FBLN7: variants seen among roughly 807,000 people sequenced by gnomAD.
FBLN7 encodes the protein fibulin-7.
In FBLN7, 31 loss-of-function variants were observed where a neutral mutation model predicts 44.0. The observed-to-expected ratio is 0.70, with a 90% CI of 0.53 to 0.95. The LOEUF (loss-of-function observed/expected upper bound fraction) is 0.95, where lower values mean the gene tolerates loss of function less well. Among genes scored for constraint, FBLN7 ranks in the 40% least tolerant of loss-of-function variants. The pLI is 0.00. For missense variants in FBLN7, 573 were observed against 618.5 expected, an observed-to-expected ratio of 0.93 and a Z score of 0.78; for synonymous variants, 262 against 253.4, an observed-to-expected ratio of 1.03 and a Z score of -0.32.
chr2:112,198,308 C>T, the FBLN7 span, among the ~76,000 whole-genome samples: 4 of 152,042 alleles, frequency 2.6e-5, no homozygotes, highest in African/African-American at 9.7e-5. Flanking sequence ...TTTATAAAAG[C>T]GGAGCTCACA....
At chr2:112,159,916 C>G (rs1681643096) in intron 2 of FBLN7, 81 bp downstream of exon 2, 2 of 1,254,784 alleles carry the variant, frequency 1.6e-6, no homozygotes, top group East Asian at 6.3e-5. Context: ...CTGGAGGCCC[C>G]TCGTCACCCC....
the FBLN7 span, among the ~76,000 whole-genome samples, chr2:112,233,027 T>C: frequency 1.4e-4 from 22 of 152,212 alleles, no homozygotes; most frequent in Non-Finnish European, 2.8e-4. Flanking sequence ...TCATGGACCC[T>C]CTATACCACC....
chr2:112,153,887 G>A (rs1470079241), intron 1 of FBLN7, among the ~76,000 whole-genome samples: 2 of 152,206 alleles, frequency 1.3e-5, no homozygotes, highest in Non-Finnish European at 2.9e-5. Flanking sequence ...CCCGGAGAAG[G>A]GCAGGGGTGG....
At chr2:112,153,148 G>A (rs537189766) in intron 1 of FBLN7, 17 of 152,144 alleles carry the variant, frequency 1.1e-4, no homozygotes, top group South Asian at 2.1e-4. Flanking sequence ...TTTATAACCC[G>A]CCTCTGGCTC....
the FBLN7 span, among the ~76,000 whole-genome samples, chr2:112,193,439 CA>C: frequency 6.6e-6 from 1 of 151,196 alleles, no homozygotes; most frequent in African/African-American, 2.4e-5. Context: ...GACTCTGTCT[CA>C]AAAAAAACCA....
the FBLN7 span, among the ~76,000 whole-genome samples, chr2:112,210,453 C>T: frequency 6.6e-6 from 1 of 151,714 alleles, no homozygotes; most frequent in African/African-American, 2.4e-5. Context: ...CTCAGGAGTT[C>T]GAGACCAGCT....
intron 1 of FBLN7, among the ~76,000 whole-genome samples, chr2:112,146,851 G>T (rs942855901): frequency 6.6e-6 from 1 of 152,168 alleles, no homozygotes; most frequent in Non-Finnish European, 1.5e-5. Context: ...TTTTTAACAG[G>T]AGAGCGAACA....
intron 2 of FBLN7, among the ~76,000 whole-genome samples, chr2:112,160,770 GCAGACGCACA>G (rs1681786177): frequency 5.5e-5 from 2 of 36,110 alleles, no homozygotes; most frequent in African/African-American, 2.7e-4. Flanking sequence ...GCACGCACAC[GCAGACGCACA>G]CGCACGCACA....
intron 2 of FBLN7, among the ~76,000 whole-genome samples, chr2:112,163,989 C>G (rs1196418302): frequency 6.6e-6 from 1 of 152,162 alleles, no homozygotes; most frequent in Non-Finnish European, 1.5e-5. Context: ...ACCTTCAACT[C>G]GTTCTGGTGA....
intron 2 of FBLN7, among the ~76,000 whole-genome samples, chr2:112,160,269 C>G (rs905993496): frequency 6.6e-6 from 1 of 152,166 alleles, no homozygotes; most frequent in East Asian, 1.9e-4. Context: ...GGATGACAGG[C>G]GTGGGCCACC....
At chr2:112,179,870 C>T (rs1025633573) in intron 4 of FBLN7, among the ~76,000 whole-genome samples, 2 of 152,172 alleles carry the variant, frequency 1.3e-5, no homozygotes, top group South Asian at 4.1e-4. Flanking sequence ...GATGTAAAAT[C>T]CAAAACTACA....
At chr2:112,140,654 G>A (rs1680596829) in intron 1 of FBLN7, among the ~76,000 whole-genome samples, 1 of 152,170 alleles carries the variant, frequency 6.6e-6, no homozygotes, top group African/African-American at 2.4e-5. Context: ...GGGTCTCCAT[G>A]AGAGCTCCAG....
At chr2:112,215,641 T>TAATA in the FBLN7 span, 1 of 152,336 alleles carries the variant, frequency 6.6e-6, no homozygotes, top group East Asian at 1.9e-4. Flanking sequence ...GGTATTTGTC[T>TAATA]AATAATAACC....
the FBLN7 span, among the ~76,000 whole-genome samples, chr2:112,203,657 A>G: frequency 6.6e-6 from 1 of 152,230 alleles, no homozygotes; most frequent in Non-Finnish European, 1.5e-5. Context: ...GAACTTATGT[A>G]TTAGTCCGTT....
chr2:112,156,390 C>T (rs7349410), intron 1 of FBLN7, among the ~76,000 whole-genome samples: 44,350 of 152,102 alleles, frequency 0.29, 7,297 homozygotes, highest in Middle Eastern at 0.53. Flanking sequence ...TGGAGACAAG[C>T]CCCGTTTCTC....
chr2:112,154,162 C>A (rs1209207090), intron 1 of FBLN7, among the ~76,000 whole-genome samples: 1 of 152,138 alleles, frequency 6.6e-6, no homozygotes, highest in Non-Finnish European at 1.5e-5. Context: ...TTTTTCTACT[C>A]AAAGATGGAA....
At chr2:112,185,926 T>A (rs1174630411) in intron 7 of FBLN7, among the ~76,000 whole-genome samples, 1 of 151,620 alleles carries the variant, frequency 6.6e-6, no homozygotes, top group Non-Finnish European at 1.5e-5. Context: ...ACTACAACTA[T>A]CACAAAGCAC....
intron 3 of FBLN7, among the ~76,000 whole-genome samples, chr2:112,166,857 G>T (rs980490247): frequency 6.6e-6 from 1 of 152,070 alleles, no homozygotes; most frequent in Non-Finnish European, 1.5e-5. Flanking sequence ...TAGCTGCCTC[G>T]TCCTCTCTGG....
At chr2:112,185,721 G>A (rs1683237444) in intron 7 of FBLN7, among the ~76,000 whole-genome samples, 1 of 152,098 alleles carries the variant, frequency 6.6e-6, no homozygotes, top group Non-Finnish European at 1.5e-5. Context: ...GGATTTGGGA[G>A]GTGACAGCAT....
Sources: allele counts gnomAD v4.1 joint callset (sites outside exome capture counted in the v4.1 genomes callset), GRCh38; gene constraint gnomAD v4.1.1; transcripts MANE v1.5; gene names NCBI Gene and HGNC (gene_info 2026-07-23, HGNC 2026-07-21).